PARD3B: variants seen among roughly 807,000 people sequenced by gnomAD.
The protein encoded by PARD3B is partitioning defective 3 homolog B.
PARD3B carries 103 observed loss-of-function variants against 130.2 expected under a neutral mutation model. The observed-to-expected ratio is 0.79, with a 90% confidence interval of 0.67 to 0.93. The LOEUF (loss-of-function observed/expected upper bound fraction) is 0.93, where lower values mean the gene tolerates loss of function less well. Ranked by LOEUF, PARD3B falls within the 40% of genes least tolerant of loss-of-function variation. The pLI is 0.00. For missense variants in PARD3B, 1,609 were observed against 1,499.2 expected, an observed-to-expected ratio of 1.07 and a Z score of -1.21; for synonymous variants, 583 against 553.2, an observed-to-expected ratio of 1.05 and a Z score of -0.76.
intron 18 of PARD3B, among the ~76,000 whole-genome samples, chr2:205,390,648 C>G (rs1170830750): frequency 5.9e-5 from 9 of 152,086 alleles, no homozygotes; most frequent in Admixed American, 5.9e-4. Context: ...AAAATGTGCC[C>G]TGTTTCTCTT....
intron 16 of PARD3B, among the ~76,000 whole-genome samples, chr2:205,299,255 G>C (rs909080539): frequency 6.6e-6 from 1 of 152,100 alleles, no homozygotes; most frequent in African/African-American, 2.4e-5. Flanking sequence ...GTTCATAGTG[G>C]CAGTGATAAT....
rs1204739987 is a variant in PARD3B at position 205,563,605 on chromosome 2, T to A, written c.3260+10202T>A. 6.6e-6 allele frequency among the ~76,000 whole-genome samples: 1 copy of A among 152,090 alleles called. No individual in the cohort carries two copies. Among genetic ancestry groups the A allele is most frequent in the African/African-American group, 2.4e-5 (1 of 41,398 alleles). On this transcript the variant is annotated intron_variant, in intron 22 of 22. Coordinates refer to ENST00000406610, the MANE Select transcript of PARD3B (RefSeq NM_001302769.2). This position sits in a 1 kb window ranked among gnomAD's most constrained non-coding sequence, Gnocchi z 4.2. Reference sequence around the variant, plus strand: ...ATAGCCCATGTTCATTGTGAACATCTTTTAAGGTTCCAGAGAAAATAGAAA... The same window carrying A: ...ATAGCCCATGTTCATTGTGAACATCATTTAAGGTTCCAGAGAAAATAGAAA...
At chr2:204,854,906 G>GA (rs894431491) in intron 2 of PARD3B, among the ~76,000 whole-genome samples, 1 of 151,980 alleles carries the variant, frequency 6.6e-6, no homozygotes, top group African/African-American at 2.4e-5. Context: ...AGAAGAGAAA[G>GA]AAAAAATAGC....
chr2:205,490,384 A>G (rs1015922178), intron 20 of PARD3B, among the ~76,000 whole-genome samples: 6 of 151,900 alleles, frequency 3.9e-5, no homozygotes, highest in Non-Finnish European at 5.9e-5. Context: ...TGTCCTGGCA[A>G]TAGTTTGCTG....
chr2:204,870,400 A>G (rs1412879920), intron 2 of PARD3B, among the ~76,000 whole-genome samples: 1 of 152,184 alleles, frequency 6.6e-6, no homozygotes, highest in East Asian at 1.9e-4. Context: ...CTCTGTTTGC[A>G]TGCTAGGTTT....
intron 4 of PARD3B, among the ~76,000 whole-genome samples, chr2:205,067,095 CTTTTTT>C (rs10672449): frequency 1.3e-4 from 8 of 59,724 alleles, no homozygotes; most frequent in East Asian, 3.7e-4. Context: ...TTTTACTAGG[CTTTTTT>C]TTTTTTTTTT....
intron 18 of PARD3B, among the ~76,000 whole-genome samples, chr2:205,311,965 G>A (rs573878534): frequency 6.6e-6 from 1 of 152,254 alleles, no homozygotes; most frequent in African/African-American, 2.4e-5. Flanking sequence ...TCATCAGGCT[G>A]CTCTGAGGTT....
chr2:204,696,054 A>G (rs1341369973), intron 2 of PARD3B, among the ~76,000 whole-genome samples: 1 of 152,010 alleles, frequency 6.6e-6, no homozygotes, highest in Non-Finnish European at 1.5e-5. Flanking sequence ...TAACGTCTGC[A>G]TAGGTTATCA....
At chr2:205,323,174 G>T (rs2042814925) in intron 18 of PARD3B, among the ~76,000 whole-genome samples, 1 of 151,950 alleles carries the variant, frequency 6.6e-6, no homozygotes, top group Non-Finnish European at 1.5e-5. Flanking sequence ...CTCCCAAAGT[G>T]CTGGGATTAC....
chr2:204,872,737 A>T (rs994156392), intron 2 of PARD3B, among the ~76,000 whole-genome samples: 1 of 152,250 alleles, frequency 6.6e-6, no homozygotes, highest in South Asian at 2.1e-4. Flanking sequence ...GGGTAATTAT[A>T]TGAATAATTT....
intron 18 of PARD3B, among the ~76,000 whole-genome samples, chr2:205,357,904 A>C (rs2044253598): frequency 6.6e-6 from 1 of 152,216 alleles, no homozygotes; most frequent in South Asian, 2.1e-4. Flanking sequence ...CAGTCATTGA[A>C]TCTTTGGCTT....
chr2:205,413,423 T>C (rs1258157434), intron 19 of PARD3B, among the ~76,000 whole-genome samples: 3 of 152,174 alleles, frequency 2.0e-5, no homozygotes, highest in African/African-American at 4.8e-5. Flanking sequence ...ACATTATGTT[T>C]CACAGAATAG....
intron 4 of PARD3B, among the ~76,000 whole-genome samples, chr2:205,058,415 C>G (rs1367221160): frequency 2.6e-5 from 4 of 151,936 alleles, no homozygotes; most frequent in African/African-American, 9.7e-5. Context: ...TGTAAAATAT[C>G]TCTTCCAGAC....
chr2:204,924,455 A>T (rs140063684), intron 2 of PARD3B, among the ~76,000 whole-genome samples: 11 of 152,214 alleles, frequency 7.2e-5, no homozygotes, highest in African/African-American at 2.6e-4. Flanking sequence ...TTAAATAAGG[A>T]AAAGTTACAA....
At chr2:205,497,940 G>T (rs1287291751) in intron 20 of PARD3B, among the ~76,000 whole-genome samples, 1 of 151,654 alleles carries the variant, frequency 6.6e-6, no homozygotes, top group Non-Finnish European at 1.5e-5. Context: ...ACTTTGGGAG[G>T]CCAAGGCAGG....
intron 2 of PARD3B, among the ~76,000 whole-genome samples, chr2:204,810,876 A>G (rs1055409993): frequency 1.3e-5 from 2 of 152,152 alleles, no homozygotes; most frequent in Non-Finnish European, 2.9e-5. Flanking sequence ...TAGTTTCGGT[A>G]GGAATGGTAC....
intron 1 of PARD3B, among the ~76,000 whole-genome samples, chr2:204,632,893 T>C (rs2034736719): frequency 6.6e-6 from 1 of 152,218 alleles, no homozygotes; most frequent in African/African-American, 2.4e-5. Context: ...CTCGCACCTT[T>C]TGTTCCCCTC....
At chr2:205,543,984 C>T (rs1164683415) in intron 21 of PARD3B, among the ~76,000 whole-genome samples, 1 of 152,122 alleles carries the variant, frequency 6.6e-6, no homozygotes, top group Non-Finnish European at 1.5e-5. Flanking sequence ...ACTAGTATAT[C>T]ATTTAAGAAT....
At chr2:205,491,590 G>A (rs4510209) in intron 20 of PARD3B, among the ~76,000 whole-genome samples, 60,573 of 152,006 alleles carry the variant, frequency 0.4, 12,596 homozygotes, top group Admixed American at 0.49. Flanking sequence ...TGGCAATGCG[G>A]GCTCTTTTTT....
Sources: gnomAD v4.1 joint callset for allele counts (sites outside exome capture counted in the v4.1 genomes callset) on GRCh38, gnomAD v4.1.1 for gene constraint, Gnocchi (gnomAD v3.1) non-coding constraint, MANE v1.5 for transcripts, NCBI Gene and HGNC (gene_info 2026-07-23, HGNC 2026-07-21) for gene names.